WDFY3: variants seen among roughly 807,000 people sequenced by gnomAD.
WDFY3 encodes WD repeat and FYVE domain containing 3, also known as WD repeat and FYVE domain-containing protein 3.
Under a neutral mutation model 409.6 loss-of-function variants are expected in WDFY3, and 66 were observed. The observed-to-expected ratio is 0.16, with a 90% CI of 0.13 to 0.20. The LOEUF is 0.20. Among genes scored for constraint, WDFY3 ranks in the 10% least tolerant of loss-of-function variants. The pLI, the probability that WDFY3 is intolerant of heterozygous loss-of-function variation, is 1.00. For synonymous variants in WDFY3, 1,521 were observed against 1,537.1 expected (o/e 0.99, Z 0.25); for missense variants, 3,031 against 4,298.1 (o/e 0.71, Z 8.24).
chr4:84,707,717 A>C (rs1235115992), intron 53 of WDFY3, among the ~76,000 whole-genome samples: 2 of 152,162 alleles, frequency 1.3e-5, no homozygotes, highest in Admixed American at 6.6e-5. Context: ...TCCTTGATTG[A>C]CTTAAAGAAA....
At chr4:84,843,032 G>A (rs1471480748) in intron 5 of WDFY3, among the ~76,000 whole-genome samples, 1 of 152,174 alleles carries the variant, frequency 6.6e-6, no homozygotes, top group Non-Finnish European at 1.5e-5. Flanking sequence ...TTTTTATTGA[G>A]TCTTAACTAT....
At chr4:84,916,227 C>G (rs1768467156) in intron 2 of WDFY3, among the ~76,000 whole-genome samples, 1 of 152,048 alleles carries the variant, frequency 6.6e-6, no homozygotes, top group South Asian at 2.1e-4. Context: ...ATCAGTTCAT[C>G]TAGTAAGTTC....
chr4:84,871,423 T>C (rs552373521), intron 3 of WDFY3, among the ~76,000 whole-genome samples: 28 of 152,204 alleles, frequency 1.8e-4, no homozygotes, highest in African/African-American at 6.5e-4. Flanking sequence ...CTAATAAAAT[T>C]ATCCTTCAAA....
chr4:84,888,175 T>A (rs1447343199), intron 3 of WDFY3, among the ~76,000 whole-genome samples: 1 of 152,166 alleles, frequency 6.6e-6, no homozygotes, highest in Non-Finnish European at 1.5e-5. Flanking sequence ...CAATATTAAA[T>A]ATAGAATAAT....
intron 67 of WDFY3, among the ~76,000 whole-genome samples, chr4:84,674,359 C>G (rs951411837): frequency 6.6e-6 from 1 of 151,500 alleles, no homozygotes; most frequent in African/African-American, 2.4e-5. Context: ...TGCTTGAGCC[C>G]GCGGCTGTGA....
At chr4:84,738,477 C>G (rs1737841205) in intron 40 of WDFY3, among the ~76,000 whole-genome samples, 1 of 151,898 alleles carries the variant, frequency 6.6e-6, no homozygotes. Context: ...TGATGTGCAC[C>G]TGTAGTCCCA....
rs1187976792 is a variant in WDFY3 at position 84,724,582 on chromosome 4, A to G, written c.7285T>C (p.Tyr2429His). Residue 2429 changes from tyrosine to histidine, a missense_variant, in exon 46 of 68, where the codon TAT becomes CAT. Transcript: ENST00000295888. ...DDIPQKKPARYRRAVSYDSKE... is the reference protein window; with the variant it reads ...DDIPQKKPARHRRAVSYDSKE... ...CTGTCATAACTTACGGCTCTTCTAT[A>G]TCGAGCAGGTTTCTAAGAAATGACA... 2 of 1,608,922 alleles carry G rather than the reference A, an allele frequency of 1.2e-6. No homozygotes were observed. Among genetic ancestry groups the G allele is most frequent in the Non-Finnish European group, 1.7e-6 (2 of 1,178,686 alleles).
intron 2 of WDFY3, among the ~76,000 whole-genome samples, chr4:84,897,882 G>C (rs1765847058): frequency 6.6e-6 from 1 of 152,146 alleles, no homozygotes; most frequent in African/African-American, 2.4e-5. Flanking sequence ...TTACAAAGAA[G>C]TTACATATTT....
At chr4:84,877,113 C>G (rs1266290702) in intron 3 of WDFY3, among the ~76,000 whole-genome samples, 1 of 152,132 alleles carries the variant, frequency 6.6e-6, no homozygotes, top group African/African-American at 2.4e-5. Flanking sequence ...AGGAAAAGTA[C>G]AAATTTTAAG....
chr4:84,688,602 G>C (rs1447976040), intron 61 of WDFY3, among the ~76,000 whole-genome samples: 2 of 152,160 alleles, frequency 1.3e-5, no homozygotes, highest in Non-Finnish European at 2.9e-5. Context: ...TTTTTATGTA[G>C]AGATGTATTG....
intron 50 of WDFY3, among the ~76,000 whole-genome samples, chr4:84,714,183 T>C (rs989250426): frequency 6.6e-6 from 1 of 152,168 alleles, no homozygotes; most frequent in Admixed American, 6.6e-5. Context: ...TGCAGTGGTG[T>C]GATCGTGGCT....
In WDFY3 at chr4:84,821,123, C is replaced by A. The variant is rs562546184; in HGVS notation, c.1552G>T (p.Ala518Ser). Reference sequence around the variant, plus strand: ...GCCTGAGTTGGATCCTTCAACAGGGCAGCATATTTATGCAAAAGGTTTACC... The same window carrying A: ...GCCTGAGTTGGATCCTTCAACAGGGAAGCATATTTATGCAAAAGGTTTACC... ...VMVNLLHKYA[A>S]LLKDPTQALN... Residue 518 changes from alanine (A) to serine (S), a missense_variant, in exon 11 of 68, where the codon GCC becomes TCC. By Grantham distance (99) the Ala-to-Ser change is moderately conservative. Around this residue, in one of 16 missense-constraint regions of WDFY3, gnomAD observed 1,322 missense variants for 1,697.9 expected, o/e 0.78. Transcript: ENST00000295888. The A allele has an allele frequency of 1.2e-6, 2 of 1,613,226 alleles. No homozygotes were observed. Among genetic ancestry groups the A allele is most frequent in the Non-Finnish European group, 1.7e-6 (2 of 1,179,610 alleles).
At chr4:84,886,600 CT>C (rs1764264191) in intron 3 of WDFY3, 1 of 151,882 alleles carries the variant, frequency 6.6e-6, no homozygotes, top group African/African-American at 2.4e-5. Context: ...TAAATTTCAT[CT>C]GCTTAGCAAG....
chr4:84,813,009 A>G (rs140072453), intron 13 of WDFY3, among the ~76,000 whole-genome samples: 76 of 152,248 alleles, frequency 5.0e-4, no homozygotes, highest in African/African-American at 1.8e-3. Flanking sequence ...ATACAATTCA[A>G]ATTTGTGCAT....
intron 58 of WDFY3, among the ~76,000 whole-genome samples, chr4:84,693,537 C>T (rs949313618): frequency 1.3e-5 from 2 of 152,108 alleles, no homozygotes; most frequent in East Asian, 1.9e-4. Context: ...TTGTGCTTTG[C>T]TATGTTGTAA....
At chr4:84,845,070 T>C (rs1179383105) in intron 5 of WDFY3, among the ~76,000 whole-genome samples, 3 of 152,194 alleles carry the variant, frequency 2.0e-5, no homozygotes, top group Non-Finnish European at 4.4e-5. Context: ...CATAAGCTTG[T>C]TTCCTACTGA....
At chr4:84,695,448 CGTGTGTGT>C (rs150816589) in intron 58 of WDFY3, among the ~76,000 whole-genome samples, 246 of 136,106 alleles carry the variant, frequency 1.8e-3, no homozygotes, top group Middle Eastern at 4.1e-3. Flanking sequence ...ATTTGGGTCC[CGTGTGTGT>C]GTGTGTGTGT....
chr4:84,940,907 TAA>T (rs1277831982), intron 1 of WDFY3, among the ~76,000 whole-genome samples: 1 of 151,990 alleles, frequency 6.6e-6, no homozygotes, highest in African/African-American at 2.4e-5. Context: ...ATCAATAAAA[TAA>T]AGATTAAAAA....
chr4:84,773,111 T>C (rs953981856), intron 29 of WDFY3, among the ~76,000 whole-genome samples, 182 bp from the exon 30 acceptor site: 4 of 152,064 alleles, frequency 2.6e-5, no homozygotes, highest in African/African-American at 9.7e-5. Flanking sequence ...ATCTGGAGAT[T>C]TTAGTTTCCT....
Sources: gnomAD v4.1 joint callset for allele counts (sites outside exome capture counted in the v4.1 genomes callset) on GRCh38, gnomAD v4.1.1 for gene constraint, gnomAD v4.1.1 regional missense constraint, MANE v1.5 for transcripts, NCBI Gene and HGNC (gene_info 2026-07-23, HGNC 2026-07-21) for gene names.